The following DEPTOR variants were observed in gnomAD, a reference collection of about 807,000 sequenced individuals.
The protein encoded by DEPTOR is DEP domain-containing mTOR-interacting protein.
A neutral mutation model predicts 41.6 loss-of-function variants in DEPTOR; 41 were observed. That is an observed-to-expected ratio of 0.98 (90% confidence interval 0.77 to 1.28). DEPTOR has a LOEUF of 1.28. Ranked by LOEUF, DEPTOR falls within the 50% of genes most tolerant of loss-of-function variation. The pLI, the probability that DEPTOR is intolerant of heterozygous loss-of-function variation, is 0.00. For missense variants in DEPTOR, 514 were observed against 527.9 expected (o/e 0.97, Z 0.26); for synonymous variants, 195 against 192.3 (o/e 1.01, Z -0.12).
chr8:120,024,158 C>T (rs1315366898), intron 8 of DEPTOR, among the ~76,000 whole-genome samples: 1 of 152,028 alleles, frequency 6.6e-6, no homozygotes, highest in African/African-American at 2.4e-5. Flanking sequence ...AATCGCTTGA[C>T]CCTGGGAGGT....
intron 4 of DEPTOR, among the ~76,000 whole-genome samples, chr8:119,992,532 C>T (rs569496665): frequency 3.5e-4 from 54 of 152,150 alleles, no homozygotes; most frequent in African/African-American, 1.3e-3. Flanking sequence ...ATGGTGCTAT[C>T]GTAGTGCTGG....
At position 119,873,965 on chromosome 8, in the gene DEPTOR, T is replaced by A; in HGVS notation, c.119T>A (p.Leu40Gln). ...GAGGTCTTGGTCACCGGGGAACAGC[T>A]ACGGTAAGGCAAGAGACACAGCGGG... The part of the protein sequence containing the change: ...MAEVLVTGEQ[L>Q]RLRLHEEKVI... Residue 40 changes from leucine (L) to glutamine (Q), a missense_variant, in exon 1 of 9, where the codon CTA becomes CAA. Physicochemically the swap from Leu to Gln is moderately radical, Grantham distance 113 (BLOSUM62 -2). Coordinates refer to ENST00000286234, the MANE Select transcript of DEPTOR (RefSeq NM_022783.4). 6.2e-7 allele frequency: 1 copy of A among 1,613,464 alleles called. No individual in the cohort carries two copies. The highest frequency in any genetic ancestry group is 8.5e-7 in the Non-Finnish European group (1 of 1,179,740).
chr8:119,950,930 T>G, intron 3 of DEPTOR, among the ~76,000 whole-genome samples: 1 of 152,098 alleles, frequency 6.6e-6, no homozygotes, highest in African/African-American at 2.4e-5. Context: ...ATATTTGGCA[T>G]GGTGAAGTGG....
intron 4 of DEPTOR, among the ~76,000 whole-genome samples, chr8:119,987,115 G>T (rs933682049): frequency 6.6e-6 from 1 of 151,862 alleles, no homozygotes; most frequent in Non-Finnish European, 1.5e-5. Context: ...GGGGCATTCT[G>T]GTTTTTGGAA....
At chr8:120,041,280 C>T (rs185200258) in intron 8 of DEPTOR, among the ~76,000 whole-genome samples, 103 of 152,278 alleles carry the variant, frequency 6.8e-4, no homozygotes, top group African/African-American at 2.3e-3. Context: ...TGTGATGGGA[C>T]GCCAGCCTAT....
chr8:120,027,153 G>C (rs766364759), intron 8 of DEPTOR, among the ~76,000 whole-genome samples: 2 of 151,674 alleles, frequency 1.3e-5, no homozygotes, highest in Non-Finnish European at 2.9e-5. Context: ...GGGAGACGGA[G>C]GTTGCGGTGA....
At chr8:119,903,506 T>C (rs750625637) in intron 1 of DEPTOR, among the ~76,000 whole-genome samples, 2 of 152,212 alleles carry the variant, frequency 1.3e-5, no homozygotes, top group Non-Finnish European at 2.9e-5. Context: ...ACCATCTTTA[T>C]GTCATCAACA....
chr8:120,023,763 G>A (rs561011433), intron 8 of DEPTOR, among the ~76,000 whole-genome samples: 1 of 150,868 alleles, frequency 6.6e-6, no homozygotes, highest in South Asian at 2.1e-4. Flanking sequence ...CCAGTTCAGG[G>A]CTGAGCTGTG....
intron 1 of DEPTOR, among the ~76,000 whole-genome samples, chr8:119,907,223 G>A (rs1827675239): frequency 6.6e-6 from 1 of 152,110 alleles, no homozygotes; most frequent in Admixed American, 6.5e-5. Context: ...AGGTTGAGGG[G>A]TAGTGTTTTG....
intron 3 of DEPTOR, among the ~76,000 whole-genome samples, chr8:119,945,407 AT>A (rs1453296914): frequency 1.3e-5 from 2 of 152,260 alleles, no homozygotes; most frequent in East Asian, 3.9e-4. Context: ...CTTCCTAAGT[AT>A]TTTTTACATA....
At chr8:119,900,698 T>C (rs553259422) in intron 1 of DEPTOR, among the ~76,000 whole-genome samples, 2 of 152,180 alleles carry the variant, frequency 1.3e-5, no homozygotes, top group East Asian at 3.9e-4. Flanking sequence ...CCTTACACTT[T>C]TTTTTCTTTT....
At chr8:120,010,673 A>G (rs556168389) in intron 8 of DEPTOR, among the ~76,000 whole-genome samples, 54 of 152,090 alleles carry the variant, frequency 3.6e-4, no homozygotes, top group Non-Finnish European at 5.4e-4. Flanking sequence ...AATTTGGAAA[A>G]TATATGCAAG....
rs34284385 is a variant in DEPTOR, at chr8:119,907,785, CAAAAA to C, written c.123-20610_123-20606del. Among the ~76,000 whole-genome samples the C allele has an allele frequency of 2.6e-5, 4 of 151,148 alleles. 1 individual carries two copies. The highest frequency in any genetic ancestry group is 1.3e-4 in the Admixed American group (2 of 15,188). On this transcript the variant is annotated intron_variant, in intron 1 of 8. Transcript: ENST00000286234. ...CAGAGAGAGACTCTGTCTCAAAAAACAAAAAAAAAGGGAAGAAAATAAGAATCCAT... is the reference window on the plus strand; with the variant it reads ...CAGAGAGAGACTCTGTCTCAAAAAACAAAAGGGAAGAAAATAAGAATCCAT...
chr8:120,001,729 TATTGG>T lies in DEPTOR; in HGVS notation c.790+21_790+25del. On this transcript the variant is annotated intron_variant, in intron 5 of 8. Coordinates refer to ENST00000286234, the MANE Select transcript of DEPTOR (RefSeq NM_022783.4). ...ATGTCAGGTATGCCATCCCGGCATT[TATTGG>T]AGCTCAAGTGTTTGTCTTTTGAGAA... 1 of 1,602,480 alleles carries T rather than the reference TATTGG, an allele frequency of 6.2e-7. No homozygotes were observed. Among genetic ancestry groups the T allele is most frequent in the Non-Finnish European group, 8.5e-7 (1 of 1,172,760 alleles).
intron 8 of DEPTOR, among the ~76,000 whole-genome samples, chr8:120,041,588 A>G (rs993291867): frequency 9.9e-5 from 15 of 152,088 alleles, no homozygotes; most frequent in African/African-American, 3.6e-4. Flanking sequence ...CCCAGGCTGG[A>G]GTGCAGTGGC....
intron 8 of DEPTOR, among the ~76,000 whole-genome samples, chr8:120,018,000 G>A (rs1186175210): frequency 6.6e-6 from 1 of 152,084 alleles, no homozygotes; most frequent in Non-Finnish European, 1.5e-5. Flanking sequence ...AGAACTAGTG[G>A]CCATGATGTC....
At chr8:119,942,556 T>A (rs750719346) in intron 3 of DEPTOR, among the ~76,000 whole-genome samples, 1 of 152,174 alleles carries the variant, frequency 6.6e-6, no homozygotes, top group African/African-American at 2.4e-5. Context: ...TAGACTGGAC[T>A]CATTGATGGT....
intron 8 of DEPTOR, among the ~76,000 whole-genome samples, chr8:120,047,163 A>G (rs1813164813): frequency 6.6e-6 from 1 of 151,958 alleles, no homozygotes; most frequent in Non-Finnish European, 1.5e-5. Flanking sequence ...AGCTGGGATT[A>G]CAGGTGTGCC....
At chr8:119,959,231 CG>C (rs1563976266) in intron 3 of DEPTOR, among the ~76,000 whole-genome samples, 1 of 143,642 alleles carries the variant, frequency 7.0e-6, no homozygotes, top group East Asian at 2.1e-4. Context: ...GGCGCCATCT[CG>C]GCTCACTGCA....
Sources: allele counts gnomAD v4.1 joint callset (sites outside exome capture counted in the v4.1 genomes callset), GRCh38; gene constraint gnomAD v4.1.1; transcripts MANE v1.5; gene names NCBI Gene and HGNC (gene_info 2026-07-23, HGNC 2026-07-21).